NRXN1: variants seen among roughly 807,000 people sequenced by gnomAD.
NRXN1 encodes the protein neurexin 1, also known as neurexin-1.
Under a neutral mutation model 150.9 loss-of-function variants are expected in NRXN1, and 39 were observed. The observed-to-expected ratio is 0.26, with a 90% confidence interval of 0.20 to 0.34. The LOEUF (loss-of-function observed/expected upper bound fraction) is 0.34, where lower values mean the gene tolerates loss of function less well. Among genes scored for constraint, NRXN1 ranks in the 10% least tolerant of loss-of-function variants. NRXN1 has a pLI of 1.00. For synonymous variants in NRXN1, 924 were observed against 757.0 expected (o/e 1.22, Z -3.62); for missense variants, 1,815 against 1,949.9 (o/e 0.93, Z 1.30).
intron 18 of NRXN1, among the ~76,000 whole-genome samples, chr2:50,100,292 G>C (rs531964204): frequency 6.6e-6 from 1 of 152,082 alleles, no homozygotes; most frequent in Non-Finnish European, 1.5e-5. Flanking sequence ...TGCCTTGTCA[G>C]GTATGTAGGA....
chr2:50,910,659 T>C (rs1239726066), intron 5 of NRXN1, among the ~76,000 whole-genome samples: 1 of 151,922 alleles, frequency 6.6e-6, no homozygotes, highest in Non-Finnish European at 1.5e-5. Flanking sequence ...TGACCAATAA[T>C]AAATGCAATC....
intron 5 of NRXN1, among the ~76,000 whole-genome samples, chr2:50,874,443 T>A (rs1310262500): frequency 6.6e-6 from 1 of 151,728 alleles, no homozygotes; most frequent in Admixed American, 6.6e-5. Flanking sequence ...CCAATAGGGG[T>A]ACTGGTCACA....
intron 5 of NRXN1, among the ~76,000 whole-genome samples, chr2:50,671,582 T>C (rs114213351): frequency 0.015 from 2,332 of 151,856 alleles, 79 homozygotes; most frequent in African/African-American, 0.054. Context: ...TATAACTAAA[T>C]ATATACTATT....
At chr2:51,001,973 C>T (rs1174594292) in intron 2 of NRXN1, among the ~76,000 whole-genome samples, 2 of 151,920 alleles carry the variant, frequency 1.3e-5, no homozygotes, top group East Asian at 2.0e-4. Context: ...AGAAGGGTCA[C>T]ACAGAAGAAT....
intron 5 of NRXN1, among the ~76,000 whole-genome samples, chr2:50,814,036 T>C (rs1668590474): frequency 6.6e-6 from 1 of 152,132 alleles, no homozygotes; most frequent in East Asian, 1.9e-4. Flanking sequence ...GAGGGCAAAA[T>C]TTTGTGGAAA....
At chr2:50,262,461 T>C (rs2152913564) in intron 17 of NRXN1, among the ~76,000 whole-genome samples, 1 of 152,062 alleles carries the variant, frequency 6.6e-6, no homozygotes, top group African/African-American at 2.4e-5. Context: ...TGAGGTCTTC[T>C]CTTTTTAAAT....
chr2:50,457,710 A>T (rs948081835), intron 17 of NRXN1, among the ~76,000 whole-genome samples: 2 of 152,142 alleles, frequency 1.3e-5, no homozygotes, highest in Non-Finnish European at 2.9e-5. Context: ...TATAAAAAAA[A>T]TGCTTGATAT....
intron 8 of NRXN1, among the ~76,000 whole-genome samples, chr2:50,618,612 G>GT (rs1473031497): frequency 6.6e-6 from 1 of 151,892 alleles, no homozygotes; most frequent in Non-Finnish European, 1.5e-5. Flanking sequence ...ATACTTGTTA[G>GT]TTGTGTGACC....
At chr2:50,350,319 T>C (rs2078318493) in intron 17 of NRXN1, among the ~76,000 whole-genome samples, 1 of 152,172 alleles carries the variant, frequency 6.6e-6, no homozygotes, top group Non-Finnish European at 1.5e-5. Flanking sequence ...TTTAGGAACA[T>C]TAGACAGCCC....
chr2:49,991,073 A>C (rs1415483121), intron 21 of NRXN1, among the ~76,000 whole-genome samples: 1 of 152,208 alleles, frequency 6.6e-6, no homozygotes, highest in South Asian at 2.1e-4. Flanking sequence ...AAATAAATAG[A>C]AAACTTCCTC....
chr2:50,671,970 T>C (rs996022324), intron 5 of NRXN1, among the ~76,000 whole-genome samples: 1 of 151,906 alleles, frequency 6.6e-6, no homozygotes, highest in African/African-American at 2.4e-5. Context: ...TGATCTTTAT[T>C]AGTTTTCAAC....
intron 10 of NRXN1, among the ~76,000 whole-genome samples, chr2:50,535,179 T>G (rs999896284): frequency 5.3e-5 from 8 of 152,332 alleles, no homozygotes; most frequent in African/African-American, 1.9e-4. Flanking sequence ...CATTCTGACA[T>G]TTGAAGGTTA....
intron 21 of NRXN1, among the ~76,000 whole-genome samples, chr2:50,039,903 A>G (rs187778158): frequency 5.3e-5 from 8 of 152,210 alleles, no homozygotes; most frequent in African/African-American, 1.2e-4. Context: ...AATCCACTTG[A>G]CCTTGATCCT....
chr2:50,628,569 A>G (rs1002695622), intron 5 of NRXN1, among the ~76,000 whole-genome samples: 1 of 151,726 alleles, frequency 6.6e-6, no homozygotes, highest in Non-Finnish European at 1.5e-5. Flanking sequence ...GCTACCTTAC[A>G]ATCTTTGTAA....
intron 17 of NRXN1, among the ~76,000 whole-genome samples, chr2:50,408,657 G>C (rs369158487): frequency 6.6e-5 from 10 of 152,226 alleles, no homozygotes; most frequent in African/African-American, 2.2e-4. Flanking sequence ...TTGTGTGTAT[G>C]TGTGTGTGTA....
intron 5 of NRXN1, among the ~76,000 whole-genome samples, chr2:50,639,205 T>G (rs1683686485): frequency 1.0e-5 from 1 of 100,230 alleles, no homozygotes; most frequent in Non-Finnish European, 2.3e-5. Context: ...ATCATTTTTT[T>G]CTTTCTTTCT....
At position 50,745,219 on chromosome 2, in the gene NRXN1, T is replaced by C. The variant is rs138286779; in HGVS notation, c.833-121604A>G. On this transcript the variant is annotated intron_variant, in intron 5 of 22. Transcript: ENST00000401669. ...CTACATGAAATGACTATAGCTAGAA[T>C]TAAATAAGGCCAGGGCTATCACAAT... Among the ~76,000 whole-genome samples, 768 of 152,266 alleles carry C rather than the reference T, an allele frequency of 5.0e-3. 8 individuals are homozygous for C. The highest frequency in any genetic ancestry group is 0.017 in the African/African-American group (712 of 41,566).
intron 2 of NRXN1, among the ~76,000 whole-genome samples, chr2:50,941,290 T>C (rs1244204551): frequency 5.3e-5 from 8 of 152,162 alleles, no homozygotes; most frequent in African/African-American, 9.6e-5. Flanking sequence ...ATACAGAAAA[T>C]TGGTACCAGG....
chr2:50,081,343 C>T (rs1697932847), intron 19 of NRXN1, among the ~76,000 whole-genome samples: 2 of 152,154 alleles, frequency 1.3e-5, no homozygotes, highest in Admixed American at 1.3e-4. Context: ...CTTTGGGGGG[C>T]TGAGGCGGGT....
Sources: gnomAD v4.1 joint callset for allele counts (sites outside exome capture counted in the v4.1 genomes callset) on GRCh38, gnomAD v4.1.1 for gene constraint, MANE v1.5 for transcripts, NCBI Gene and HGNC (gene_info 2026-07-23, HGNC 2026-07-21) for gene names.